SETD1A: variants seen among roughly 807,000 people sequenced by gnomAD.
SETD1A encodes the protein histone-lysine N-methyltransferase SETD1A.
A neutral mutation model predicts 149.9 loss-of-function variants in SETD1A; 29 were observed. The observed-to-expected ratio is 0.19, with a 90% CI of 0.14 to 0.26. The LOEUF is 0.26. Ranked by LOEUF, SETD1A falls within the 10% of genes least tolerant of loss-of-function variation. The pLI is 1.00. For synonymous variants in SETD1A, 1,141 were observed against 968.5 expected, an observed-to-expected ratio of 1.18 and a Z score of -3.31; for missense variants, 2,109 against 2,353.1, an observed-to-expected ratio of 0.90 and a Z score of 2.15.
intron 3 of SETD1A, among the ~76,000 whole-genome samples, chr16:30,960,596 C>G (rs927970167): frequency 1.3e-5 from 2 of 152,174 alleles, no homozygotes; most frequent in African/African-American, 4.8e-5. Context: ...GAATCTCTTC[C>G]TTTCTATCTC....
intron 4 of SETD1A, among the ~76,000 whole-genome samples, chr16:30,962,345 A>G (rs971981402): frequency 6.6e-6 from 1 of 152,216 alleles, no homozygotes; most frequent in African/African-American, 2.4e-5. Flanking sequence ...TATTACAGGC[A>G]TGAGCCACCA....
At chr16:30,981,252 G>A in intron 17 of SETD1A, 72 bp downstream of exon 17, 3 of 1,583,386 alleles carry the variant, frequency 1.9e-6, no homozygotes, top group African/African-American at 1.3e-5. Flanking sequence ...CACACATGCT[G>A]TTTGTCCGGT....
chr16:30,967,345 GGTTTCACTGT>G (rs893339046), intron 9 of SETD1A, among the ~76,000 whole-genome samples, 146 bp from the exon 10 acceptor site: 1 of 152,106 alleles, frequency 6.6e-6, no homozygotes, highest in African/African-American at 2.4e-5. Context: ...GTAGAGCTGG[GGTTTCACTGT>G]GTTGGCCAGG....
rs1430707525 is a variant in SETD1A, at chr16:30,959,098, A to G, written c.158A>G (p.Lys53Arg). The G allele has an allele frequency of 1.9e-5, 30 of 1,611,650 alleles. No homozygotes were observed. The highest frequency in any genetic ancestry group is 2.5e-5 in the Non-Finnish European group (29 of 1,177,930). Residue 53 changes from lysine (K) to arginine (R), a missense_variant, in exon 3 of 19, where the codon AAG becomes AGG. Lys to Arg is a conservative substitution (Grantham distance 26). This residue lies in a region of SETD1A where 75 missense variants were observed against 95.3 expected (regional missense o/e 0.79). Transcript: ENST00000262519. ...TGCTGCTTTCCTTCCTAGGACTCAAAGTATATACCAGTCGAAGACCTCCAA... is the reference window on the plus strand; with the variant it reads ...TGCTGCTTTCCTTCCTAGGACTCAAGGTATATACCAGTCGAAGACCTCCAA... ...DGVHFSVNDS[K>R]YIPVEDLQDP...
intron 17 of SETD1A, among the ~76,000 whole-genome samples, chr16:30,981,630 C>G (rs1324807434): frequency 6.6e-6 from 1 of 152,208 alleles, no homozygotes; most frequent in Non-Finnish European, 1.5e-5. Flanking sequence ...GCCTTGGCCA[C>G]TCACAAGTGC....
chr16:30,973,897 G>T (rs1318245418), intron 13 of SETD1A, among the ~76,000 whole-genome samples: 2 of 152,156 alleles, frequency 1.3e-5, no homozygotes, highest in Non-Finnish European at 2.9e-5. Flanking sequence ...CGGCAGGTCA[G>T]AAGGCATGGA....
At chr16:30,967,212 G>C in intron 9 of SETD1A, 152 bp downstream of exon 9, 1 of 666,006 alleles carries the variant, frequency 1.5e-6, no homozygotes, top group South Asian at 2.0e-5. Flanking sequence ...GGAGTGCAGT[G>C]GCCTGATCTC....
At chr16:30,964,566 GGTCATAGAGAGCTGA>G in intron 6 of SETD1A, 31 bp from the exon 7 acceptor site, 1 of 1,585,902 alleles carries the variant, frequency 6.3e-7, no homozygotes, top group Non-Finnish European at 8.6e-7. Flanking sequence ...GCTGTGGTTT[GGTCATAGAGAGCTGA>G]GTCCAGCTAA....
In SETD1A at chr16:30,983,002, G is replaced by A. The variant is rs562224870; in HGVS notation, c.4813-633G>A. Among the ~76,000 whole-genome samples the A allele has an allele frequency of 3.9e-5, 6 of 152,298 alleles. No homozygotes were observed. In the South Asian group the frequency reaches 1.0e-3, roughly 26 times the overall value. On this transcript the variant is annotated intron_variant, in intron 17 of 18. Transcript: ENST00000262519. This position sits in a 1 kb window ranked among gnomAD's most constrained non-coding sequence, Gnocchi z 6.8. ...GCCCCAGGGACATCTAGGGGATGAC[G>A]CCCAGCAGCTCCACTGAGGTGGCTT...
chr16:30,979,659 C>G lies in SETD1A; in HGVS notation c.3873C>G (p.Pro1291=). 1 of 1,609,418 alleles carries G rather than the reference C, an allele frequency of 6.2e-7. No homozygotes were observed. Among genetic ancestry groups the G allele is most frequent in the South Asian group, 1.1e-5 (1 of 91,086 alleles). ...ETSDEAERPR[P]LLSHILLEHN... ...CGGACGAGGCCGAGCGCCCTAGGCC[C>G]CTGCTCAGCCACATCCTCCTGGAGC... The change falls in exon 14 of 19, where the codon CCC becomes CCG. Residue 1291 remains proline (P), a synonymous_variant. Coordinates refer to ENST00000262519, the MANE Select transcript of SETD1A (RefSeq NM_014712.3).
chr16:30,977,079 G>C (rs1285084070), intron 13 of SETD1A, among the ~76,000 whole-genome samples: 1 of 152,104 alleles, frequency 6.6e-6, no homozygotes, highest in Non-Finnish European at 1.5e-5. Flanking sequence ...TCCCGAGTAG[G>C]TGGGACTAAG....
chr16:30,975,315 AAAG>A (rs2143556087), intron 13 of SETD1A, among the ~76,000 whole-genome samples: 1 of 152,266 alleles, frequency 6.6e-6, no homozygotes, highest in Non-Finnish European at 1.5e-5. Context: ...GTCTCAAAAA[AAAG>A]AATTGGGGGT....
rs1285798496 is a variant in SETD1A at position 30,965,770 on chromosome 16, C to T, written c.1889C>T (p.Pro630Leu). 1 of 1,588,210 alleles carries T rather than the reference C, an allele frequency of 6.3e-7. No individual in the cohort carries two copies. Among genetic ancestry groups the T allele is most frequent in the East Asian group, 2.3e-5 (1 of 44,390 alleles). ...SLPLGYPPHQ[P>L]AYLLPPRPDG... ...CCTCTTGGTTATCCTCCCCACCAAC[C>T]TGCCTACCTCCTCCCACCCAGACCT... The change falls in exon 8 of 19, where the codon CCT (proline) becomes CTT (leucine). Residue 630 changes from proline (P) to leucine (L), a missense_variant. This residue lies in a region of SETD1A where 431 missense variants were observed against 388.6 expected (regional missense o/e 1.11). Transcript: ENST00000262519.
chr16:30,984,152 C>T lies in SETD1A; in HGVS notation c.*129C>T. ...CATCTCCAAGCGTGGGGTTGGGGGC[C>T]CCAAGCCCAGCGAGGGAGCCTCAGT... On this transcript the variant is annotated 3_prime_UTR_variant, in exon 19 of 19. Coordinates refer to ENST00000262519, the MANE Select transcript of SETD1A (RefSeq NM_014712.3). 3 of 862,056 alleles carry T rather than the reference C, an allele frequency of 3.5e-6. No individual in the cohort carries two copies. The highest frequency in any genetic ancestry group is 1.8e-5 in the South Asian group (1 of 54,500). 53.4% of individuals were successfully genotyped at this position (862,056 alleles called of 1,614,324 possible). A position where few individuals can be genotyped will look rare whatever the true frequency, so the allele number is the denominator to read the frequency against.
chr16:30,969,652 T>C lies in SETD1A; in HGVS notation c.2979T>C (p.Ala993=), dbSNP rs770836075. 6.2e-7 allele frequency: 1 copy of C among 1,614,186 alleles called. No individual in the cohort carries two copies. Among genetic ancestry groups the C allele is most frequent in the South Asian group, 1.1e-5 (1 of 91,088 alleles). ...AGGAAGATGAAGATCGAGAGGAAGC[T>C]GTGGATACCACAAAGAAGGAGACAG... ...EDEEDEDREE[A]VDTTKKETEV... The change falls in exon 12 of 19, where the codon GCT becomes GCC. Residue 993 remains alanine, a synonymous_variant. Transcript: ENST00000262519.
At position 30,979,865 on chromosome 16, in the gene SETD1A, A is replaced by G; in HGVS notation, c.4079A>G (p.Glu1360Gly). The change falls in exon 14 of 19, where the codon GAG becomes GGG. Residue 1360 changes from glutamate (E) to glycine (G), a missense_variant. Physicochemically the swap from Glu to Gly is moderately conservative, Grantham distance 98. Transcript: ENST00000262519. ...KPQQLQQQRE[E>G]GEEEGEEEGE... ...CAGCAACTGCAGCAGCAGCGGGAGGAGGGCGAAGAGGAGGGGGAGGAAGAG... is the reference window on the plus strand; with the variant it reads ...CAGCAACTGCAGCAGCAGCGGGAGGGGGGCGAAGAGGAGGGGGAGGAAGAG... 6.5e-7 allele frequency: 1 copy of G among 1,538,386 alleles called. No homozygotes were observed. Among genetic ancestry groups the G allele is most frequent in the East Asian group, 2.4e-5 (1 of 41,340 alleles).
intron 11 of SETD1A, 26 bp downstream of exon 11, chr16:30,969,488 G>A (rs771979534): frequency 8.2e-5 from 131 of 1,599,740 alleles, no homozygotes; most frequent in Non-Finnish European, 5.7e-5. Context: ...CCGGCTCCTG[G>A]CCGAAGCCTA....
At chr16:30,963,852 CATG>C (rs1193848115) in intron 5 of SETD1A, among the ~76,000 whole-genome samples, 3 of 152,098 alleles carry the variant, frequency 2.0e-5, no homozygotes, top group African/African-American at 7.2e-5. Context: ...ATTAGCCAGG[CATG>C]GTGGTGGGCG....
In SETD1A at chr16:30,967,890, C is replaced by T. The variant is rs187066739; in HGVS notation, c.2770+302C>T. Among the ~76,000 whole-genome samples the T allele has an allele frequency of 2.6e-5, 4 of 152,288 alleles. No individual in the cohort carries two copies. The East Asian group carries it at 7.7e-4, about 29-fold the overall frequency. On this transcript the variant is annotated intron_variant, in intron 10 of 18. Coordinates refer to ENST00000262519, the MANE Select transcript of SETD1A (RefSeq NM_014712.3). ...AAACGAGGCATCTCCCCAAGTTTCC[C>T]ACCTGATGCTAATGCCCTCCTACCA... is the stretch of plus-strand genomic sequence containing the variant.
Sources: allele counts gnomAD v4.1 joint callset (sites outside exome capture counted in the v4.1 genomes callset), GRCh38; gene constraint gnomAD v4.1.1; regional missense constraint gnomAD v4.1.1; non-coding constraint Gnocchi (gnomAD v3.1); transcripts MANE v1.5; gene names NCBI Gene and HGNC (gene_info 2026-07-23, HGNC 2026-07-21).